Variants in DLC1 observed in about 807,000 individuals in gnomAD.
DLC1 encodes rho GTPase-activating protein 7.
DLC1 carries 54 observed loss-of-function variants against 140.3 expected under a neutral mutation model. That is an observed-to-expected ratio of 0.38 (90% CI 0.31 to 0.48). The LOEUF is 0.48. DLC1 is among the 20% of genes least tolerant of loss of function. The pLI, the probability that DLC1 is intolerant of heterozygous loss-of-function variation, is 0.96. For synonymous variants in DLC1, 986 were observed against 728.1 expected, an observed-to-expected ratio of 1.35 and a Z score of -5.70; for missense variants, 2,536 against 1,907.0, an observed-to-expected ratio of 1.33 and a Z score of -6.14.
At chr8:13,225,466 A>G (rs1052425408) in intron 5 of DLC1, among the ~76,000 whole-genome samples, 2 of 152,174 alleles carry the variant, frequency 1.3e-5, no homozygotes, top group Non-Finnish European at 2.9e-5. Flanking sequence ...ACAGCTGGTT[A>G]GAAGGGCATT....
chr8:13,440,777 A>G (rs1217377154), intron 2 of DLC1, among the ~76,000 whole-genome samples: 1 of 152,106 alleles, frequency 6.6e-6, no homozygotes, highest in Non-Finnish European at 1.5e-5. Context: ...TGAAGGGTTT[A>G]TCAGGGGATT....
At chr8:13,491,695 C>A (rs74608775) in intron 2 of DLC1, among the ~76,000 whole-genome samples, 198 of 152,198 alleles carry the variant, frequency 1.3e-3, no homozygotes, top group African/African-American at 4.6e-3. Flanking sequence ...CCTCAGAGAT[C>A]CAGATTTTAC....
chr8:13,197,393 G>T (rs1471012856), intron 5 of DLC1, among the ~76,000 whole-genome samples: 1 of 151,558 alleles, frequency 6.6e-6, no homozygotes, highest in Non-Finnish European at 1.5e-5. Context: ...CTGTCGCCCA[G>T]GCTGGAGTGC....
intron 4 of DLC1, among the ~76,000 whole-genome samples, chr8:13,331,071 C>A (rs1280110292): frequency 6.6e-6 from 1 of 152,194 alleles, no homozygotes; most frequent in African/African-American, 2.4e-5. Flanking sequence ...ATGATTCGCC[C>A]AGAGCCAGGT....
At chr8:13,272,914 C>T (rs560953871) in intron 5 of DLC1, among the ~76,000 whole-genome samples, 2 of 152,252 alleles carry the variant, frequency 1.3e-5, no homozygotes, top group African/African-American at 4.8e-5. Context: ...TAGCTTTTAA[C>T]TTATACTCAC....
chr8:13,425,161 C>G (rs1346425093), intron 2 of DLC1, among the ~76,000 whole-genome samples: 1 of 151,612 alleles, frequency 6.6e-6, no homozygotes, highest in African/African-American at 2.4e-5. Context: ...GGGAAATATG[C>G]AAGCTCCATA....
chr8:13,372,687 T>C (rs1835782759), intron 4 of DLC1, among the ~76,000 whole-genome samples: 2 of 152,158 alleles, frequency 1.3e-5, no homozygotes, highest in South Asian at 2.1e-4. Context: ...AACACGTCAT[T>C]GATAGTGGAA....
intron 5 of DLC1, among the ~76,000 whole-genome samples, chr8:13,177,578 A>G (rs1018637628): frequency 6.6e-6 from 1 of 152,242 alleles, no homozygotes; most frequent in Non-Finnish European, 1.5e-5. Flanking sequence ...TGATATATGC[A>G]TTACAAAACA....
intron 4 of DLC1, among the ~76,000 whole-genome samples, chr8:13,352,836 A>G (rs1034666997): frequency 6.6e-5 from 10 of 152,206 alleles, no homozygotes; most frequent in Non-Finnish European, 1.2e-4. Context: ...AACATTTACA[A>G]TACTGAATGC....
At chr8:13,289,070 G>C (rs73560569) in intron 5 of DLC1, among the ~76,000 whole-genome samples, 17,986 of 152,164 alleles carry the variant, frequency 0.12, 1,169 homozygotes, top group South Asian at 0.16. Context: ...CTTCACTCCT[G>C]TGACCTGTTC....
chr8:13,199,761 A>T (rs1049544701), intron 5 of DLC1, among the ~76,000 whole-genome samples: 3 of 152,152 alleles, frequency 2.0e-5, no homozygotes, highest in South Asian at 4.1e-4. Context: ...AACAGAGTCA[A>T]TAAGTTTTAG....
intron 2 of DLC1, among the ~76,000 whole-genome samples, chr8:13,406,080 C>T (rs1199207754): frequency 6.8e-6 from 1 of 147,982 alleles, no homozygotes; most frequent in Non-Finnish European, 1.5e-5. Context: ...AATCTTGGCT[C>T]ACTGCAACCT....
intron 2 of DLC1, among the ~76,000 whole-genome samples, chr8:13,455,279 A>G (rs150958494): frequency 9.0e-4 from 137 of 152,324 alleles, no homozygotes; most frequent in African/African-American, 3.1e-3. Flanking sequence ...ATTGCACACA[A>G]TTGCCTACAC....
At chr8:13,525,780 T>C (rs987752134) in intron 1 of DLC1, among the ~76,000 whole-genome samples, 1 of 152,200 alleles carries the variant, frequency 6.6e-6, no homozygotes, top group African/African-American at 2.4e-5. Context: ...TTTAGTTTTC[T>C]TTTGAAAATG....
rs149017900 is a variant in DLC1 at position 13,469,947 on chromosome 8, A to G, written c.1023+29102T>C. On this transcript the variant is annotated intron_variant, in intron 2 of 17. Transcript: ENST00000276297. ...TTACAGCTCAATATTGTGGGAAAATAGCCAGGCAGGGCAGCTTATTTTGTA... is the reference window on the plus strand; with the variant it reads ...TTACAGCTCAATATTGTGGGAAAATGGCCAGGCAGGGCAGCTTATTTTGTA... Among the ~76,000 whole-genome samples, 56 of 152,306 alleles carry G rather than the reference A, an allele frequency of 3.7e-4. 1 individual carries two copies. Among genetic ancestry groups the G allele is most frequent in the East Asian group, 1.5e-3 (8 of 5,180 alleles).
intron 1 of DLC1, among the ~76,000 whole-genome samples, chr8:13,547,209 C>A (rs1349463885): frequency 6.6e-6 from 1 of 151,972 alleles, no homozygotes; most frequent in Non-Finnish European, 1.5e-5. Flanking sequence ...TAATAAACAA[C>A]TGAACAATTT....
intron 10 of DLC1, 48 bp downstream of exon 10, chr8:13,098,351 C>T (rs1818687484): frequency 6.2e-7 from 1 of 1,603,378 alleles, no homozygotes; most frequent in Non-Finnish European, 8.5e-7. Context: ...AGGAACTGAC[C>T]AAAAATATCA....
intron 2 of DLC1, among the ~76,000 whole-genome samples, chr8:13,408,196 T>C (rs1355021513): frequency 6.6e-6 from 1 of 152,206 alleles, no homozygotes; most frequent in Non-Finnish European, 1.5e-5. Flanking sequence ...TCCGTTCAAC[T>C]CCAAGTTCTA....
At chr8:13,560,049 A>T (rs966396245) in intron 1 of DLC1, among the ~76,000 whole-genome samples, 1 of 152,210 alleles carries the variant, frequency 6.6e-6, no homozygotes, top group Non-Finnish European at 1.5e-5. Flanking sequence ...TTTCCAAGAC[A>T]AAGTAGCAAA....
Sources: allele counts gnomAD v4.1 joint callset (sites outside exome capture counted in the v4.1 genomes callset), GRCh38; gene constraint gnomAD v4.1.1; transcripts MANE v1.5; gene names NCBI Gene and HGNC (gene_info 2026-07-23, HGNC 2026-07-21).